Variants in NRXN3 observed in about 807,000 individuals in gnomAD.
NRXN3 encodes the protein neurexin 3, also known as neurexin III.
A neutral mutation model predicts 137.6 loss-of-function variants in NRXN3; 32 were observed. The ratio of observed to expected loss-of-function variants is 0.23; its 90% confidence interval spans 0.18 to 0.31. The LOEUF (loss-of-function observed/expected upper bound fraction) is 0.31. Ranked by LOEUF, NRXN3 falls within the 10% of genes least tolerant of loss-of-function variation. The pLI is 1.00. For missense variants in NRXN3, 1,574 were observed against 2,062.5 expected, an observed-to-expected ratio of 0.76 and a Z score of 4.59; for synonymous variants, 798 against 784.5, an observed-to-expected ratio of 1.02 and a Z score of -0.29.
chr14:79,785,902 C>T (rs1002923288), intron 19 of NRXN3, among the ~76,000 whole-genome samples: 1 of 151,882 alleles, frequency 6.6e-6, no homozygotes, highest in African/African-American at 2.4e-5. Context: ...TTAAGAAACA[C>T]TTTGATACTA....
chr14:78,220,318 C>T (rs745544192), intron 1 of NRXN3, among the ~76,000 whole-genome samples: 2 of 151,956 alleles, frequency 1.3e-5, no homozygotes, highest in African/African-American at 2.4e-5. Context: ...AAAAGGAGCA[C>T]CTGAGAGTGA....
chr14:79,482,678 T>G (rs758915704), intron 16 of NRXN3, among the ~76,000 whole-genome samples: 3 of 151,090 alleles, frequency 2.0e-5, no homozygotes, highest in Non-Finnish European at 4.4e-5. Context: ...ACCACTAACC[T>G]GGGGGGGAGA....
chr14:78,838,795 C>G (rs2099004059), intron 10 of NRXN3, among the ~76,000 whole-genome samples: 1 of 152,074 alleles, frequency 6.6e-6, no homozygotes, highest in South Asian at 2.1e-4. Context: ...GCACTTCCAT[C>G]TAATATGCTG....
At chr14:79,526,517 A>G (rs1295091081) in intron 16 of NRXN3, among the ~76,000 whole-genome samples, 1 of 152,194 alleles carries the variant, frequency 6.6e-6, no homozygotes, top group African/African-American at 2.4e-5. Context: ...TCTAGTCCTA[A>G]GAAGTTTGCT....
At chr14:78,269,966 A>G (rs1362491881) in intron 2 of NRXN3, among the ~76,000 whole-genome samples, 3 of 152,168 alleles carry the variant, frequency 2.0e-5, no homozygotes, top group South Asian at 4.1e-4. Context: ...CTCAATGACT[A>G]CTTCTTTTGT....
intron 15 of NRXN3, among the ~76,000 whole-genome samples, chr14:79,397,850 C>A (rs1308225501): frequency 6.6e-6 from 1 of 152,156 alleles, no homozygotes; most frequent in Non-Finnish European, 1.5e-5. Flanking sequence ...AACTCACTGG[C>A]TGAAAGCTTG....
At position 78,374,565 on chromosome 14, in the gene NRXN3, G is replaced by C. The variant is rs9323664; in HGVS notation, c.757+76705G>C. ...AGGCAGGTGGATCACTTGAGGTCGA[G>C]TTTGAGACCAGTCTGGCCAACATGG... On this transcript the variant is annotated intron_variant, in intron 4 of 20. Coordinates refer to ENST00000335750, the MANE Select transcript of NRXN3 (RefSeq NM_001330195.2). Among the ~76,000 whole-genome samples the C allele has an allele frequency of 1.5e-3, 231 of 152,204 alleles. 1 individual carries two copies. The highest frequency in any genetic ancestry group is 5.4e-3 in the African/African-American group (226 of 41,522).
At position 79,861,105 on chromosome 14, in the gene NRXN3, C is replaced by T. The variant is rs920229643; in HGVS notation, c.4094-237C>T. On this transcript the variant is annotated intron_variant, in intron 20 of 20. Transcript: ENST00000335750. This position sits in a 1 kb window ranked among gnomAD's most constrained non-coding sequence, Gnocchi z 5.4. Reference sequence around the variant, plus strand: ...GCTACCCCTCCTATTGCTACTCGTGCACCTTCCATTACACTCCCCCCTACC... The same window carrying T: ...GCTACCCCTCCTATTGCTACTCGTGTACCTTCCATTACACTCCCCCCTACC... 7 of 1,458,062 alleles carry T rather than the reference C, an allele frequency of 4.8e-6. No homozygotes were observed. Among genetic ancestry groups the T allele is most frequent in the African/African-American group, 1.4e-5 (1 of 70,594 alleles). The allele number at this position is 1,458,062 out of a possible 1,614,324, so 90.3% of individuals were successfully genotyped here.
chr14:79,298,541 G>T (rs997003405), intron 15 of NRXN3, among the ~76,000 whole-genome samples: 5 of 151,980 alleles, frequency 3.3e-5, no homozygotes, highest in African/African-American at 1.2e-4. Flanking sequence ...CCAGATACTT[G>T]CCTGTGAGCT....
intron 16 of NRXN3, among the ~76,000 whole-genome samples, chr14:79,498,915 G>T (rs1176789085): frequency 2.6e-5 from 4 of 152,136 alleles, no homozygotes; most frequent in Non-Finnish European, 5.9e-5. Flanking sequence ...CTCTTGAGTA[G>T]TTGGGACTAC....
chr14:79,744,664 C>A (rs1221549980), intron 19 of NRXN3, among the ~76,000 whole-genome samples: 1 of 152,180 alleles, frequency 6.6e-6, no homozygotes, highest in Non-Finnish European at 1.5e-5. Context: ...TTTAAGGAGT[C>A]CCTTTCTCCA....
At chr14:78,668,524 A>G in intron 6 of NRXN3, among the ~76,000 whole-genome samples, 1 of 152,056 alleles carries the variant, frequency 6.6e-6, no homozygotes. Flanking sequence ...GTTGGAGGGG[A>G]GTAAAGGGAT....
chr14:79,268,155 T>C (rs2153420912), intron 15 of NRXN3, among the ~76,000 whole-genome samples: 1 of 152,344 alleles, frequency 6.6e-6, no homozygotes, highest in South Asian at 2.1e-4. Flanking sequence ...CCATGGAACA[T>C]ACATTTTAGT....
intron 4 of NRXN3, among the ~76,000 whole-genome samples, chr14:78,450,756 G>C (rs991059566): frequency 1.3e-5 from 2 of 152,120 alleles, no homozygotes; most frequent in East Asian, 3.9e-4. Flanking sequence ...AAGCAAAGCC[G>C]CTGTTGATTT....
chr14:78,488,492 A>G (rs1326977015), intron 4 of NRXN3, among the ~76,000 whole-genome samples: 1 of 152,214 alleles, frequency 6.6e-6, no homozygotes, highest in Non-Finnish European at 1.5e-5. Context: ...CTGCTTTTAC[A>G]TTAAAAATCA....
In NRXN3 at chr14:79,861,846, C is replaced by A; in HGVS notation, c.4598C>A (p.Thr1533Lys). The change falls in exon 21 of 21, where the codon ACG becomes AAG. Residue 1533 changes from threonine to lysine, a missense_variant. This residue lies in a region of NRXN3 where 320 missense variants were observed against 387.1 expected (regional missense o/e 0.83). Coordinates refer to ENST00000335750, the MANE Select transcript of NRXN3 (RefSeq NM_001330195.2). This position sits in a 1 kb window ranked among gnomAD's most constrained non-coding sequence, Gnocchi z 5.4. ...RDEGSYQVDE[T>K]RNYISNSAQS... ...GAGGGGTCCTATCAAGTGGACGAGA[C>A]GCGGAACTACATCAGCAACTCCGCC... The A allele has an allele frequency of 1.9e-6, 3 of 1,614,062 alleles. No homozygotes were observed. Among genetic ancestry groups the A allele is most frequent in the Non-Finnish European group, 2.5e-6 (3 of 1,180,008 alleles).
chr14:79,654,318 T>A (rs1224790616), intron 16 of NRXN3, among the ~76,000 whole-genome samples: 1 of 151,822 alleles, frequency 6.6e-6, no homozygotes, highest in African/African-American at 2.4e-5. Context: ...TAAATTAAAC[T>A]TAAATTAAAC....
intron 16 of NRXN3, among the ~76,000 whole-genome samples, chr14:79,616,616 G>A (rs1209445422): frequency 1.3e-5 from 2 of 152,074 alleles, no homozygotes; most frequent in Admixed American, 1.3e-4. Flanking sequence ...CATGACATGT[G>A]ATTTACCTGT....
At chr14:78,809,051 G>C (rs1021269826) in intron 9 of NRXN3, among the ~76,000 whole-genome samples, 1 of 151,972 alleles carries the variant, frequency 6.6e-6, no homozygotes, top group South Asian at 2.1e-4. Flanking sequence ...AGGCTGAACC[G>C]GGCAGCTTGG....
Sources: allele counts gnomAD v4.1 joint callset (sites outside exome capture counted in the v4.1 genomes callset), GRCh38; gene constraint gnomAD v4.1.1; regional missense constraint gnomAD v4.1.1; non-coding constraint Gnocchi (gnomAD v3.1); transcripts MANE v1.5; gene names NCBI Gene and HGNC (gene_info 2026-07-23, HGNC 2026-07-21).